The following EYS variants were observed in gnomAD, a reference collection of about 807,000 sequenced individuals.
The protein encoded by EYS is protein eyes shut homolog.
Under a neutral mutation model 282.1 loss-of-function variants are expected in EYS, and 250 were observed. That is an observed-to-expected ratio of 0.89 (90% CI 0.80 to 0.98). The LOEUF is 0.98. EYS is among the 50% of genes least tolerant of loss of function. The pLI is 0.00. For synonymous variants in EYS, 1,355 were observed against 1,282.9 expected (o/e 1.06, Z -1.20); for missense variants, 4,016 against 3,709.0 (o/e 1.08, Z -2.15).
chr6:64,083,363 C>T (rs1345861948), intron 31 of EYS, among the ~76,000 whole-genome samples: 1 of 152,162 alleles, frequency 6.6e-6, no homozygotes, highest in Non-Finnish European at 1.5e-5. Context: ...TTAAATCTTC[C>T]ATCAGAGATA....
intron 22 of EYS, among the ~76,000 whole-genome samples, chr6:64,777,362 G>A (rs1213341350): frequency 1.3e-5 from 2 of 152,174 alleles, no homozygotes; most frequent in East Asian, 3.9e-4. Context: ...TAAATTGGTG[G>A]TGAACATGCT....
At chr6:63,852,701 A>G (rs1772290987) in intron 36 of EYS, among the ~76,000 whole-genome samples, 1 of 152,198 alleles carries the variant, frequency 6.6e-6, no homozygotes, top group Admixed American at 6.5e-5. Flanking sequence ...TCAGGCCAGT[A>G]TCCCTGATGA....
intron 2 of EYS, among the ~76,000 whole-genome samples, chr6:65,557,212 C>G (rs1238850258): frequency 6.6e-6 from 1 of 152,150 alleles, no homozygotes; most frequent in Non-Finnish European, 1.5e-5. Flanking sequence ...TAGGCTTGCT[C>G]CGCCCACCCA....
chr6:64,768,693 G>A (rs1477421255), intron 22 of EYS, among the ~76,000 whole-genome samples: 1 of 152,100 alleles, frequency 6.6e-6, no homozygotes, highest in Non-Finnish European at 1.5e-5. Flanking sequence ...TGGTGATAAA[G>A]GTACAGAAGC....
chr6:65,403,037 A>G (rs1304475927), intron 6 of EYS, among the ~76,000 whole-genome samples: 1 of 152,122 alleles, frequency 6.6e-6, no homozygotes, highest in Non-Finnish European at 1.5e-5. Flanking sequence ...GCTAACAGCC[A>G]ACATTTACTA....
chr6:65,597,826 C>T (rs187661592), intron 2 of EYS, among the ~76,000 whole-genome samples: 10 of 152,036 alleles, frequency 6.6e-5, no homozygotes, highest in African/African-American at 1.2e-4. Context: ...AATGGCCAAG[C>T]GCAGTGGCTC....
intron 12 of EYS, among the ~76,000 whole-genome samples, chr6:65,062,094 G>A (rs1390939744): frequency 2.0e-5 from 3 of 151,698 alleles, no homozygotes; most frequent in African/African-American, 7.2e-5. Flanking sequence ...AACCTCAACC[G>A]TATCATGCCC....
intron 2 of EYS, among the ~76,000 whole-genome samples, chr6:65,564,711 T>G (rs552851072): frequency 9.2e-5 from 14 of 152,200 alleles, no homozygotes; most frequent in African/African-American, 3.1e-4. Context: ...GACATAGGGA[T>G]GGGCAAAGAC....
At chr6:65,453,659 C>T (rs1764492268) in intron 5 of EYS, among the ~76,000 whole-genome samples, 1 of 151,992 alleles carries the variant, frequency 6.6e-6, no homozygotes, top group Non-Finnish European at 1.5e-5. Flanking sequence ...TGACCAAGCT[C>T]TCCTCAACCT....
intron 8 of EYS, among the ~76,000 whole-genome samples, chr6:65,362,648 T>TG (rs1764756470): frequency 6.6e-6 from 1 of 151,828 alleles, no homozygotes; most frequent in Non-Finnish European, 1.5e-5. Flanking sequence ...ATATATGTAA[T>TG]ATTTTTACTA....
chr6:65,367,114 G>A (rs1764943073), intron 8 of EYS, among the ~76,000 whole-genome samples: 1 of 151,520 alleles, frequency 6.6e-6, no homozygotes, highest in Non-Finnish European at 1.5e-5. Context: ...GGAAAATTTG[G>A]GTACCATTAT....
At chr6:65,016,821 C>A (rs927873670) in intron 13 of EYS, among the ~76,000 whole-genome samples, 7 of 152,118 alleles carry the variant, frequency 4.6e-5, no homozygotes. Flanking sequence ...TCATAAAACT[C>A]ATTATTCATA....
At chr6:64,589,790 A>C (rs1401110215) in intron 26 of EYS, among the ~76,000 whole-genome samples, 1 of 152,124 alleles carries the variant, frequency 6.6e-6, no homozygotes. Flanking sequence ...AGGAAATCTC[A>C]AGAAAGTTCC....
chr6:64,371,809 C>T (rs1273420595), intron 29 of EYS, among the ~76,000 whole-genome samples: 1 of 151,954 alleles, frequency 6.6e-6, no homozygotes, highest in Non-Finnish European at 1.5e-5. Flanking sequence ...GGTTTAAAAT[C>T]TGTGTTGTCT....
At chr6:63,818,339 C>T (rs375536287) in intron 36 of EYS, among the ~76,000 whole-genome samples, 123 of 152,206 alleles carry the variant, frequency 8.1e-4, no homozygotes, top group African/African-American at 2.7e-3. Flanking sequence ...TGATTTTATG[C>T]TGATTTTCAT....
At chr6:64,172,947 C>T (rs569800213) in intron 31 of EYS, among the ~76,000 whole-genome samples, 7 of 152,078 alleles carry the variant, frequency 4.6e-5, no homozygotes, top group South Asian at 2.1e-4. Flanking sequence ...AATTGCCTTC[C>T]GCGAAACCGG....
intron 8 of EYS, among the ~76,000 whole-genome samples, chr6:65,364,992 A>G (rs1268720983): frequency 6.6e-6 from 1 of 151,636 alleles, no homozygotes; most frequent in Non-Finnish European, 1.5e-5. Context: ...AGGTCTGGTC[A>G]TCTGCATACT....
chr6:63,913,087 C>A (rs1342621251), intron 35 of EYS, among the ~76,000 whole-genome samples: 4 of 152,060 alleles, frequency 2.6e-5, no homozygotes, highest in African/African-American at 9.7e-5. Flanking sequence ...TGACAACTTG[C>A]CAGATAGCTT....
chr6:64,289,147 C>T (rs375020791), intron 30 of EYS, among the ~76,000 whole-genome samples: 7 of 152,190 alleles, frequency 4.6e-5, no homozygotes, highest in African/African-American at 1.4e-4. Context: ...TCAATCATGA[C>T]TTCCCACCTT....
Sources: allele counts gnomAD v4.1 joint callset (sites outside exome capture counted in the v4.1 genomes callset), GRCh38; gene constraint gnomAD v4.1.1; transcripts MANE v1.5; gene names NCBI Gene and HGNC (gene_info 2026-07-23, HGNC 2026-07-21).